The following CLCNKA variants were observed in gnomAD, a reference collection of about 807,000 sequenced individuals.
CLCNKA encodes chloride voltage-gated channel Ka, also known as chloride channel protein ClC-Ka.
CLCNKA carries 66 observed loss-of-function variants against 83.3 expected under a neutral mutation model. The ratio of observed to expected loss-of-function variants is 0.79; its 90% confidence interval spans 0.65 to 0.97. CLCNKA has a LOEUF of 0.97. Among genes scored for constraint, CLCNKA ranks in the 50% least tolerant of loss-of-function variants. CLCNKA has a pLI of 0.00. For synonymous variants in CLCNKA, 357 were observed against 370.4 expected (o/e 0.96, Z 0.42); for missense variants, 806 against 888.7 (o/e 0.91, Z 1.18).
chr1:16,029,855 T>C, intron 13 of CLCNKA, 55 bp downstream of exon 13: 1 of 1,610,234 alleles, frequency 6.2e-7, no homozygotes, highest in South Asian at 1.1e-5. Context: ...GGCAGGGCCA[T>C]GCATCCTGGT....
intron 15 of CLCNKA, 88 bp downstream of exon 15, chr1:16,030,762 C>T (rs553653280): frequency 1.9e-6 from 3 of 1,551,490 alleles, no homozygotes; most frequent in East Asian, 4.5e-5. Context: ...AAAGAAACAC[C>T]ACCGCAGCTG....
In CLCNKA at chr1:16,033,637, A is replaced by G. The variant is rs761504253; in HGVS notation, c.2043A>G (p.Thr681=). 2.5e-6 allele frequency: 4 copies of G among 1,570,392 alleles called. No homozygotes were observed. Among genetic ancestry groups the G allele is most frequent in the Non-Finnish European group, 3.4e-6 (4 of 1,160,048 alleles). The change falls in exon 20 of 20, where the codon ACA becomes ACG. Residue 681 remains threonine, a synonymous_variant. Coordinates refer to ENST00000331433, the MANE Select transcript of CLCNKA (RefSeq NM_004070.4). The part of the protein sequence containing the change: ...VEMKKAISNL[T]NPPAPK ...TGAAGAAAGCAATTTCCAACCTGACAAATCCGCCAGCTCCAAAGTGAGCCG... is the reference window on the plus strand; with the variant it reads ...TGAAGAAAGCAATTTCCAACCTGACGAATCCGCCAGCTCCAAAGTGAGCCG...
At chr1:16,033,525 G>T (rs962707706) in intron 19 of CLCNKA, 86 bp from the exon 20 acceptor site, 12 of 1,162,782 alleles carry the variant, frequency 1.0e-5, no homozygotes, top group African/African-American at 9.1e-5. Context: ...GCCTGGAAAT[G>T]AACCTTAGGG....
intron 7 of CLCNKA, 72 bp from the exon 8 acceptor site, chr1:16,027,238 G>C (rs1341468278): frequency 1.3e-6 from 2 of 1,598,468 alleles, no homozygotes; most frequent in Admixed American, 3.3e-5. Flanking sequence ...GAGGAGGCGA[G>C]ATGGGGGAGG....
chr1:16,029,939 C>A (rs766050303), intron 13 of CLCNKA, 26 bp from the exon 14 acceptor site: 4 of 1,601,608 alleles, frequency 2.5e-6, no homozygotes, highest in Non-Finnish European at 3.4e-6. Context: ...CAGCCTGGCT[C>A]CCCCTCACCC....
chr1:16,029,979 C>A lies in CLCNKA; in HGVS notation c.1312C>A (p.Arg438Ser), dbSNP rs774531549. Residue 438 changes from arginine to serine, a missense_variant, in exon 14 of 20, where the codon CGC becomes AGC. Transcript: ENST00000331433. ...PIFILGAAIG[R>S]LLGEALAVAF... is the part of the protein sequence containing the mutation. Reference sequence around the variant, plus strand: ...TCTGTGGCCAGGAGCTGCCATCGGGCGCCTCTTGGGAGAGGCTCTTGCCGT... The same window carrying A: ...TCTGTGGCCAGGAGCTGCCATCGGGAGCCTCTTGGGAGAGGCTCTTGCCGT... 6.2e-7 allele frequency: 1 copy of A among 1,611,376 alleles called. No homozygotes were observed. The highest frequency in any genetic ancestry group is 8.5e-7 in the Non-Finnish European group (1 of 1,177,816).
rs554864949 is a variant in CLCNKA at position 16,029,242 on chromosome 1, A to T, written c.1170A>T (p.Glu390Asp). 2.5e-6 allele frequency: 4 copies of T among 1,613,792 alleles called. No individual in the cohort carries two copies. In the Admixed American group the frequency reaches 5.0e-5, roughly 20 times the overall value. The change falls in exon 12 of 20, where the codon GAA (glutamate) becomes GAT (aspartate). Residue 390 changes from glutamate (E) to aspartate (D), a missense_variant. Transcript: ENST00000331433. ...EELDPQHLWW[E>D]WYHPRFTIFG... ...TCGACCCCCAGCACCTTTGGTGGGA[A>T]TGGTACCACCCGCGGTTCACCATCT...
chr1:16,032,201 A>G lies in CLCNKA; in HGVS notation c.1757-2A>G, dbSNP rs764710490. ...CCCTCCCTCTCCCTCTCTACTTGCC[A>G]GAGTCCCAGATCCTGGTAGGCATCG... On this transcript the variant is annotated splice_acceptor_variant, in intron 16 of 19. Coordinates refer to ENST00000331433, the MANE Select transcript of CLCNKA (RefSeq NM_004070.4). LOFTEE classifies it high-confidence loss of function. 6.2e-7 allele frequency: 1 copy of G among 1,611,710 alleles called. No individual in the cohort carries two copies. The highest frequency in any genetic ancestry group is 1.3e-5 in the African/African-American group (1 of 74,866).
At chr1:16,031,671 C>A (rs1219345214) in intron 15 of CLCNKA, 39 bp from the exon 16 acceptor site, 2 of 1,613,290 alleles carry the variant, frequency 1.2e-6, no homozygotes, top group South Asian at 2.2e-5. Flanking sequence ...GTCTGACATC[C>A]CCGACTCCGG....
At chr1:16,023,663 C>G (rs1444966831) in intron 2 of CLCNKA, 137 bp from the exon 3 acceptor site, 5 of 937,582 alleles carry the variant, frequency 5.3e-6, no homozygotes, top group Non-Finnish European at 8.3e-6. Context: ...CTCTCTGACT[C>G]AGGCGGGGCC....
At chr1:16,032,409 C>A in intron 17 of CLCNKA, 34 bp from the exon 18 acceptor site, 1 of 1,585,344 alleles carries the variant, frequency 6.3e-7, no homozygotes, top group Non-Finnish European at 8.7e-7. Context: ...CTGGGGAGGC[C>A]GGCCCTGCAC....
intron 2 of CLCNKA, 95 bp from the exon 3 acceptor site, chr1:16,023,705 G>T: frequency 6.7e-7 from 1 of 1,488,760 alleles, no homozygotes; most frequent in South Asian, 1.2e-5. Flanking sequence ...CAACTACCAG[G>T]GTCCTCCCTG....
At chr1:16,027,233 G>A (rs967423574) in intron 7 of CLCNKA, 77 bp from the exon 8 acceptor site, 187 of 1,594,630 alleles carry the variant, frequency 1.2e-4, no homozygotes, top group Non-Finnish European at 1.5e-4. Context: ...TCAGGGAGGA[G>A]GCGAGATGGG....
intron 5 of CLCNKA, 135 bp from the exon 6 acceptor site, chr1:16,026,401 C>CGG: frequency 6.8e-7 from 1 of 1,468,868 alleles, no homozygotes; most frequent in Non-Finnish European, 9.4e-7. Context: ...GCCAGGTCCC[C>CGG]AGTGTGACAA....
chr1:16,029,376 C>T (rs1038987930), intron 12 of CLCNKA, 77 bp downstream of exon 12: 192 of 1,599,448 alleles, frequency 1.2e-4, no homozygotes, highest in Non-Finnish European at 1.5e-4. Context: ...CCTCCCTGCA[C>T]CTGGTGGCAT....
intron 14 of CLCNKA, 149 bp downstream of exon 14, chr1:16,030,224 C>T (rs892547720): frequency 3.2e-5 from 24 of 742,652 alleles, no homozygotes; most frequent in Non-Finnish European, 5.1e-5. Context: ...CCTCCTGAGC[C>T]CCACCATTCC....
chr1:16,030,779 G>C, intron 15 of CLCNKA, 105 bp downstream of exon 15: 5 of 1,457,258 alleles, frequency 3.4e-6, no homozygotes, highest in Non-Finnish European at 4.7e-6. Context: ...GCTGACCTCC[G>C]ACATGGGGGC....
At chr1:16,029,092 C>A in intron 11 of CLCNKA, 34 bp from the exon 12 acceptor site, 2 of 1,605,178 alleles carry the variant, frequency 1.2e-6, no homozygotes, top group Non-Finnish European at 1.7e-6. Context: ...TGGGGGGGGC[C>A]CCTCATGTCC....
chr1:16,028,968 A>T, intron 11 of CLCNKA, 123 bp downstream of exon 11: 1 of 1,497,726 alleles, frequency 6.7e-7, no homozygotes, highest in Non-Finnish European at 9.2e-7. Context: ...TTCTGCAGAT[A>T]AGGAGACCAT....
Sources: allele counts gnomAD v4.1 joint callset, GRCh38; gene constraint gnomAD v4.1.1; transcripts MANE v1.5; gene names NCBI Gene and HGNC (gene_info 2026-07-23, HGNC 2026-07-21).